The following CNTN5 variants were observed in gnomAD, a reference collection of about 807,000 sequenced individuals.
CNTN5 encodes the protein contactin-5.
A neutral mutation model predicts 129.1 loss-of-function variants in CNTN5; 77 were observed. The observed-to-expected ratio is 0.60, with a 90% confidence interval of 0.50 to 0.72. The LOEUF (loss-of-function observed/expected upper bound fraction) is 0.72, where lower values mean the gene tolerates loss of function less well. Ranked by LOEUF, CNTN5 falls within the 30% of genes least tolerant of loss-of-function variation. The pLI, the probability that CNTN5 is intolerant of heterozygous loss-of-function variation, is 0.00. For missense variants in CNTN5, 1,478 were observed against 1,328.8 expected (o/e 1.11, Z -1.75); for synonymous variants, 509 against 465.6 (o/e 1.09, Z -1.20).
At chr11:100,352,338 T>C (rs1329458571) in intron 24 of CNTN5, among the ~76,000 whole-genome samples, 1 of 151,790 alleles carries the variant, frequency 6.6e-6, no homozygotes, top group African/African-American at 2.4e-5. Flanking sequence ...AATTAGATAT[T>C]ACATCAACAT....
At chr11:99,720,020 A>T (rs988976417) in intron 3 of CNTN5, among the ~76,000 whole-genome samples, 1 of 152,108 alleles carries the variant, frequency 6.6e-6, no homozygotes, top group African/African-American at 2.4e-5. Context: ...ACAAGTTGCA[A>T]AATTAGTAAT....
chr11:99,213,396 A>G (rs935255288), intron 1 of CNTN5, among the ~76,000 whole-genome samples: 2 of 137,306 alleles, frequency 1.5e-5, no homozygotes, highest in African/African-American at 3.0e-5. Flanking sequence ...ATACACGTGT[A>G]TATATACACA....
At chr11:99,812,227 AC>A (rs1946449776) in intron 3 of CNTN5, among the ~76,000 whole-genome samples, 1 of 152,118 alleles carries the variant, frequency 6.6e-6, no homozygotes, top group African/African-American at 2.4e-5. Context: ...CATATCCAAA[AC>A]TTTTCTTTTA....
chr11:100,137,989 A>G (rs1429707873), intron 13 of CNTN5, among the ~76,000 whole-genome samples: 2 of 152,064 alleles, frequency 1.3e-5, no homozygotes, highest in Non-Finnish European at 2.9e-5. Context: ...AGAATAAAAA[A>G]CTGACTTGAG....
At chr11:100,009,621 G>A (rs951295557) in intron 9 of CNTN5, among the ~76,000 whole-genome samples, 3 of 152,088 alleles carry the variant, frequency 2.0e-5, no homozygotes, top group Non-Finnish European at 2.9e-5. Context: ...TGGGTGTAAT[G>A]TAGAAGTTCA....
At chr11:99,746,472 T>G (rs1399627512) in intron 3 of CNTN5, among the ~76,000 whole-genome samples, 1 of 152,168 alleles carries the variant, frequency 6.6e-6, no homozygotes, top group South Asian at 2.1e-4. Context: ...TACTGGTCCA[T>G]GGACTGTTAG....
intron 3 of CNTN5, among the ~76,000 whole-genome samples, chr11:99,762,622 A>T (rs370657055): frequency 5.7e-4 from 87 of 151,874 alleles, no homozygotes; most frequent in East Asian, 4.5e-3. Flanking sequence ...TCCATTGATC[A>T]ATATCTCTGT....
At chr11:100,106,113 G>A (rs923354655) in intron 13 of CNTN5, among the ~76,000 whole-genome samples, 1 of 152,124 alleles carries the variant, frequency 6.6e-6, no homozygotes, top group Non-Finnish European at 1.5e-5. Flanking sequence ...CACAAAGGGC[G>A]ATTCAGGGAC....
At chr11:99,822,944 C>G (rs1025065126) in intron 4 of CNTN5, among the ~76,000 whole-genome samples, 1 of 152,206 alleles carries the variant, frequency 6.6e-6, no homozygotes, top group African/African-American at 2.4e-5. Context: ...GAAGTCAGCT[C>G]GTGCTGAGAG....
chr11:99,649,536 A>G (rs974454235), intron 3 of CNTN5, among the ~76,000 whole-genome samples: 3 of 151,886 alleles, frequency 2.0e-5, no homozygotes, highest in Non-Finnish European at 4.4e-5. Context: ...AGATACTGAA[A>G]GAAAATATTT....
At chr11:100,257,568 A>G (rs1950101252) in intron 17 of CNTN5, among the ~76,000 whole-genome samples, 2 of 152,072 alleles carry the variant, frequency 1.3e-5, no homozygotes, top group South Asian at 4.1e-4. Flanking sequence ...GGGTGCACCT[A>G]TGGGACTAAG....
chr11:100,228,825 G>C (rs900701023), intron 16 of CNTN5, among the ~76,000 whole-genome samples: 1 of 152,122 alleles, frequency 6.6e-6, no homozygotes. Context: ...GTTCACCTGC[G>C]TACATTCTCA....
In CNTN5 at chr11:100,060,713, C is replaced by G. The variant is rs1943434424; in HGVS notation, c.981-499C>G. Among the ~76,000 whole-genome samples the G allele has an allele frequency of 1.3e-5, 2 of 149,766 alleles. 1 individual carries two copies. Among genetic ancestry groups the G allele is most frequent in the South Asian group, 4.2e-4 (2 of 4,748 alleles). On this transcript the variant is annotated intron_variant, in intron 9 of 24. Coordinates refer to ENST00000524871, the MANE Select transcript of CNTN5 (RefSeq NM_014361.4). ...GGAGTGCAGTGGCGCGATCTCGGCT[C>G]ACTGCAACCTCCGCTTTCCGGTTTC...
chr11:100,336,831 C>G, intron 21 of CNTN5: 1 of 434,462 alleles, frequency 2.3e-6, no homozygotes, highest in South Asian at 2.4e-5. Flanking sequence ...CCTTCCCGGC[C>G]TCTTCCCCAG....
At chr11:100,150,985 T>TA (rs1233514587) in intron 13 of CNTN5, among the ~76,000 whole-genome samples, 1 of 151,976 alleles carries the variant, frequency 6.6e-6, no homozygotes, top group Non-Finnish European at 1.5e-5. Context: ...GAGGACACGG[T>TA]AAAAAAGTAA....
chr11:99,249,064 C>A (rs1861966369), intron 1 of CNTN5, among the ~76,000 whole-genome samples: 1 of 152,064 alleles, frequency 6.6e-6, no homozygotes, highest in Non-Finnish European at 1.5e-5. Flanking sequence ...GGCAGTATGG[C>A]CATTTTCATG....
intron 18 of CNTN5, among the ~76,000 whole-genome samples, chr11:100,289,570 T>TA (rs1456315444): frequency 2.0e-5 from 3 of 152,168 alleles, no homozygotes; most frequent in African/African-American, 7.2e-5. Context: ...CGCTTCATGC[T>TA]AAAAACTCTC....
chr11:99,747,856 T>C (rs1021535443), intron 3 of CNTN5, among the ~76,000 whole-genome samples: 41 of 152,246 alleles, frequency 2.7e-4, no homozygotes, highest in African/African-American at 9.9e-4. Flanking sequence ...GCTGGTCATA[T>C]ATGGCTTTAT....
intron 4 of CNTN5, among the ~76,000 whole-genome samples, chr11:99,831,680 T>G (rs1282271847): frequency 2.6e-5 from 4 of 152,190 alleles, no homozygotes; most frequent in Non-Finnish European, 5.9e-5. Context: ...ACCACTAAGC[T>G]GGTCATCATC....
Sources: gnomAD v4.1 joint callset for allele counts (sites outside exome capture counted in the v4.1 genomes callset) on GRCh38, gnomAD v4.1.1 for gene constraint, MANE v1.5 for transcripts, NCBI Gene and HGNC (gene_info 2026-07-23, HGNC 2026-07-21) for gene names.